COMT: variants seen among roughly 807,000 people sequenced by gnomAD.
COMT encodes the protein catechol O-methyltransferase.
COMT carries 13 observed loss-of-function variants against 18.9 expected under a neutral mutation model. The observed-to-expected ratio is 0.69, with a 90% CI of 0.45 to 1.09. The LOEUF is 1.09. Ranked by LOEUF, COMT falls within the 50% of genes least tolerant of loss-of-function variation. The probability of loss-of-function intolerance (pLI) is 0.00; values close to 1 mark genes in which losing one functional copy is unlikely to be tolerated. For synonymous variants in COMT, 150 were observed against 160.9 expected (o/e 0.93, Z 0.51); for missense variants, 329 against 361.8 (o/e 0.91, Z 0.73).
chr22:19,944,016 A>C (rs1476889510), intron 1 of COMT, among the ~76,000 whole-genome samples: 1 of 152,200 alleles, frequency 6.6e-6, no homozygotes. Context: ...TTCCGGCTTC[A>C]GTCTGCAGGG....
chr22:19,953,017 G>T (rs1941982349), intron 1 of COMT, among the ~76,000 whole-genome samples: 1 of 151,980 alleles, frequency 6.6e-6, no homozygotes, highest in Non-Finnish European at 1.5e-5. Context: ...AAATGAAGCA[G>T]CAGCAGCTTT....
At chr22:19,967,969 C>G (rs1384849897) in intron 5 of COMT, among the ~76,000 whole-genome samples, 1 of 152,248 alleles carries the variant, frequency 6.6e-6, no homozygotes, top group Non-Finnish European at 1.5e-5. Flanking sequence ...CAGAGGAACT[C>G]TGTGTCCTCC....
intron 5 of COMT, chr22:19,965,279 C>A (rs1034235891): frequency 6.6e-6 from 1 of 152,172 alleles, no homozygotes; most frequent in Admixed American, 6.6e-5. Flanking sequence ...TGGGAGGCTA[C>A]GGCAGGAGGA....
In COMT at chr22:19,968,587, T is replaced by C. The variant is rs1228670109; in HGVS notation, c.667T>C (p.Cys223Arg). Reference protein sequence around the residue: ...GTVLLADNVICPGAPDFLAHV... With the variant: ...GTVLLADNVIRPGAPDFLAHV... ...AGTGCTACTGGCTGACAACGTGATC[T>C]GCCCAGGTGCGCCAGACTTCCTAGC... Residue 223 changes from cysteine (C) to arginine (R), a missense_variant, in exon 6 of 6, where the codon TGC becomes CGC. Coordinates refer to ENST00000361682, the MANE Select transcript of COMT (RefSeq NM_000754.4). 1 of 1,614,116 alleles carries C rather than the reference T, an allele frequency of 6.2e-7. No homozygotes were observed.
chr22:19,953,605 A>G (rs2146142268), intron 1 of COMT, among the ~76,000 whole-genome samples: 1 of 152,216 alleles, frequency 6.6e-6, no homozygotes, highest in South Asian at 2.1e-4. Context: ...CTTTGTTTAC[A>G]GTACTCAGCA....
At chr22:19,968,504 C>T (rs776763589) in intron 5 of COMT, 32 bp from the exon 6 acceptor site, 2 of 1,604,980 alleles carry the variant, frequency 1.2e-6, no homozygotes, top group Non-Finnish European at 1.7e-6. Context: ...ACCTCTGACC[C>T]TCACCTCCCC....
At chr22:19,963,798 G>A in intron 4 of COMT, 39 bp downstream of exon 4, 1 of 1,591,764 alleles carries the variant, frequency 6.3e-7, no homozygotes. Flanking sequence ...TGGAAAAAGG[G>A]CCGGCTGTGG....
In COMT at chr22:19,948,478, G is replaced by A. The variant is rs1037486349; in HGVS notation, c.-92+6581G>A. 5.9e-5 allele frequency among the ~76,000 whole-genome samples: 9 copies of A among 152,010 alleles called. No homozygotes were observed. The South Asian group carries it at 1.9e-3, about 32-fold the overall frequency. On this transcript the variant is annotated intron_variant, in intron 1 of 5. Coordinates refer to ENST00000361682, the MANE Select transcript of COMT (RefSeq NM_000754.4). ...GAGACCAGCCTGAGAAACATGCTGAGGCCCTGTCTCTACAAAACAAAAAGT... is the reference window on the plus strand; with the variant it reads ...GAGACCAGCCTGAGAAACATGCTGAAGCCCTGTCTCTACAAAACAAAAAGT...
chr22:19,961,048 C>T (rs543135196), intron 1 of COMT, among the ~76,000 whole-genome samples, 151 bp from the exon 2 acceptor site: 6 of 152,348 alleles, frequency 3.9e-5, no homozygotes, highest in Admixed American at 1.3e-4. Flanking sequence ...CTTCTGAGGC[C>T]GGAAAGGCGA....
chr22:19,946,370 C>A (rs574751476), intron 1 of COMT, among the ~76,000 whole-genome samples: 1 of 152,070 alleles, frequency 6.6e-6, no homozygotes, highest in Non-Finnish European at 1.5e-5. Context: ...CGCCTGTAAT[C>A]CCAACTACTC....
intron 5 of COMT, among the ~76,000 whole-genome samples, chr22:19,966,062 T>C (rs1942373637): frequency 6.6e-6 from 1 of 152,218 alleles, no homozygotes; most frequent in African/African-American, 2.4e-5. Context: ...GTAGCAAACA[T>C]TGCAGTTTAG....
intron 1 of COMT, among the ~76,000 whole-genome samples, chr22:19,944,405 G>A (rs767806524): frequency 3.3e-5 from 5 of 152,048 alleles, no homozygotes; most frequent in Non-Finnish European, 5.9e-5. Context: ...AACATTAGCC[G>A]GGCGTGGTGG....
chr22:19,944,822 AAAAACAAAACAAAAC>A (rs372008105), intron 1 of COMT, among the ~76,000 whole-genome samples: 1 of 152,072 alleles, frequency 6.6e-6, no homozygotes, highest in Non-Finnish European at 1.5e-5. Context: ...ACTGCGTCTC[AAAAACAAAACAAAAC>A]AAAACAAAAC....
At chr22:19,966,871 G>T in intron 5 of COMT, 1 of 902,212 alleles carries the variant, frequency 1.1e-6, no homozygotes, top group Non-Finnish European at 1.3e-6. Flanking sequence ...TCTAAGGAGG[G>T]TGGGCCAGAT....
At chr22:19,952,018 C>T (rs1941949687) in intron 1 of COMT, among the ~76,000 whole-genome samples, 1 of 152,158 alleles carries the variant, frequency 6.6e-6, no homozygotes, top group Non-Finnish European at 1.5e-5. Flanking sequence ...CTGTTAGAAG[C>T]CATGTGCAGT....
chr22:19,942,408 T>TGGAGGCG lies in COMT; in HGVS notation c.-92+517_-92+518insGGGAGGC, dbSNP rs201616499. ...GTGACTTCTCCAACAGGCTCCCTGT[T>TGGAGGCG]GGAGGCCTTGGGGTACCCCAGGGCC... is the stretch of plus-strand genomic sequence containing the variant. On this transcript the variant is annotated intron_variant, in intron 1 of 5. Coordinates refer to ENST00000361682, the MANE Select transcript of COMT (RefSeq NM_000754.4). 3.7e-3 allele frequency among the ~76,000 whole-genome samples: 557 copies of TGGAGGCG among 152,132 alleles called. 2 individuals carry two copies. Among genetic ancestry groups the TGGAGGCG allele is most frequent in the African/African-American group, 0.012 (500 of 41,518 alleles).
chr22:19,944,955 T>G (rs1047947276), intron 1 of COMT, among the ~76,000 whole-genome samples: 1 of 152,252 alleles, frequency 6.6e-6, no homozygotes, highest in Non-Finnish European at 1.5e-5. Flanking sequence ...CCCTTTTGAT[T>G]GAAGATAATC....
intron 1 of COMT, among the ~76,000 whole-genome samples, chr22:19,950,177 A>G (rs1250726675): frequency 6.6e-6 from 1 of 151,070 alleles, no homozygotes; most frequent in Non-Finnish European, 1.5e-5. Context: ...ACTAGTTTAT[A>G]TAAGAGCTAG....
intron 4 of COMT, 183 bp from the exon 5 acceptor site, chr22:19,963,985 G>A (rs1419753706): frequency 3.9e-6 from 5 of 1,291,026 alleles, no homozygotes; most frequent in South Asian, 3.8e-5. Context: ...CACCAGGAGG[G>A]GCAGGGACAG....
Sources: gnomAD v4.1 joint callset for allele counts (sites outside exome capture counted in the v4.1 genomes callset) on GRCh38, gnomAD v4.1.1 for gene constraint, MANE v1.5 for transcripts, NCBI Gene and HGNC (gene_info 2026-07-23, HGNC 2026-07-21) for gene names.